Variants in LRMDA observed in about 807,000 individuals in gnomAD.
The protein encoded by LRMDA is leucine rich melanocyte differentiation associated, also known as leucine-rich melanocyte differentiation-associated protein.
Under a neutral mutation model 29.8 loss-of-function variants are expected in LRMDA, and 18 were observed. The ratio of observed to expected loss-of-function variants is 0.60; its 90% confidence interval spans 0.42 to 0.90. LRMDA has a LOEUF of 0.90. LRMDA is among the 40% of genes least tolerant of loss of function. The pLI, the probability that LRMDA is intolerant of heterozygous loss-of-function variation, is 0.00. For synonymous variants in LRMDA, 125 were observed against 109.4 expected, an observed-to-expected ratio of 1.14 and a Z score of -0.89; for missense variants, 273 against 273.9, an observed-to-expected ratio of 1.00 and a Z score of 0.02.
chr10:75,955,355 T>A (rs1474088129), intron 2 of LRMDA, among the ~76,000 whole-genome samples: 1 of 152,198 alleles, frequency 6.6e-6, no homozygotes, highest in African/African-American at 2.4e-5. Context: ...TTACTGCCAC[T>A]CTCTGCCACC....
intron 6 of LRMDA, among the ~76,000 whole-genome samples, chr10:76,486,805 T>G (rs1589212071): frequency 6.6e-6 from 1 of 152,026 alleles, no homozygotes; most frequent in East Asian, 2.0e-4. Context: ...GCCATTATGC[T>G]GCTGCCACTG....
intron 5 of LRMDA, among the ~76,000 whole-genome samples, chr10:76,185,438 T>C (rs554474331): frequency 1.3e-5 from 2 of 152,356 alleles, no homozygotes; most frequent in South Asian, 4.1e-4. Flanking sequence ...TATTTTTCTT[T>C]CAAAGAGATT....
intron 2 of LRMDA, among the ~76,000 whole-genome samples, chr10:75,901,010 G>C (rs1403242633): frequency 6.6e-6 from 1 of 152,166 alleles, no homozygotes; most frequent in Non-Finnish European, 1.5e-5. Context: ...CCCCTACGTA[G>C]AGCCAGCTTA....
chr10:76,518,218 A>C (rs904241639), intron 6 of LRMDA, among the ~76,000 whole-genome samples: 6 of 151,986 alleles, frequency 3.9e-5, no homozygotes, highest in Admixed American at 3.3e-4. Context: ...AAATGAGAAT[A>C]TCTATCTATA....
chr10:75,948,879 A>C (rs915145414), intron 2 of LRMDA, among the ~76,000 whole-genome samples: 1 of 151,990 alleles, frequency 6.6e-6, no homozygotes, highest in African/African-American at 2.4e-5. Flanking sequence ...TTTAGCTTTG[A>C]CAGGAAGATA....
chr10:76,044,102 T>C (rs1848387252), intron 3 of LRMDA, among the ~76,000 whole-genome samples: 1 of 152,238 alleles, frequency 6.6e-6, no homozygotes, highest in Non-Finnish European at 1.5e-5. Context: ...TCAGCTTGTC[T>C]GGCTGTCCTT....
intron 2 of LRMDA, among the ~76,000 whole-genome samples, chr10:75,753,783 G>A (rs1208733833): frequency 6.6e-6 from 1 of 152,216 alleles, no homozygotes; most frequent in Non-Finnish European, 1.5e-5. Flanking sequence ...TAGAAATGAG[G>A]CAGGCAAGAA....
chr10:75,495,444 CA>C (rs1003205695), intron 2 of LRMDA, among the ~76,000 whole-genome samples: 6 of 152,002 alleles, frequency 3.9e-5, no homozygotes, highest in Non-Finnish European at 8.8e-5. Flanking sequence ...GCCAAGTCTT[CA>C]TTTCTCCTCT....
intron 5 of LRMDA, among the ~76,000 whole-genome samples, chr10:76,111,509 TTTCCA>T (rs1849578586): frequency 6.6e-6 from 1 of 152,248 alleles, no homozygotes; most frequent in Non-Finnish European, 1.5e-5. Context: ...ATGATTCAGG[TTTCCA>T]GCATAAATTA....
chr10:75,600,481 C>A (rs758692962), intron 2 of LRMDA, among the ~76,000 whole-genome samples: 4 of 152,152 alleles, frequency 2.6e-5, no homozygotes, highest in Non-Finnish European at 5.9e-5. Context: ...CTAAATTACC[C>A]TATATAAACA....
chr10:76,433,587 A>G (rs1842214027), intron 6 of LRMDA: 1 of 152,196 alleles, frequency 6.6e-6, no homozygotes, highest in Non-Finnish European at 1.5e-5. Context: ...TGATTCTGTG[A>G]AAGACCAAAG....
intron 6 of LRMDA, among the ~76,000 whole-genome samples, chr10:76,539,147 T>A (rs1843325432): frequency 6.6e-6 from 1 of 151,974 alleles, no homozygotes; most frequent in Non-Finnish European, 1.5e-5. Flanking sequence ...AAAGGTCAGA[T>A]GAGAAAAAAG....
At chr10:76,383,367 C>T (rs905192023) in intron 6 of LRMDA, among the ~76,000 whole-genome samples, 5 of 151,748 alleles carry the variant, frequency 3.3e-5, no homozygotes, top group African/African-American at 1.2e-4. Flanking sequence ...CACCACACTC[C>T]AGACACAGTG....
intron 5 of LRMDA, among the ~76,000 whole-genome samples, chr10:76,172,233 G>A (rs968769592): frequency 6.6e-6 from 1 of 152,098 alleles, no homozygotes; most frequent in Non-Finnish European, 1.5e-5. Flanking sequence ...CCACATTGGG[G>A]ATCAAATTTC....
chr10:75,945,728 C>T (rs1846465406), intron 2 of LRMDA, among the ~76,000 whole-genome samples: 1 of 152,094 alleles, frequency 6.6e-6, no homozygotes, highest in African/African-American at 2.4e-5. Context: ...TCTGTGAAAT[C>T]TCTTGATTAT....
intron 5 of LRMDA, among the ~76,000 whole-genome samples, chr10:76,180,394 C>T (rs1397174443): frequency 6.6e-6 from 1 of 150,586 alleles, no homozygotes; most frequent in Non-Finnish European, 1.5e-5. Flanking sequence ...ATTTTCCTCC[C>T]TCAGCCTCCC....
intron 2 of LRMDA, among the ~76,000 whole-genome samples, chr10:75,460,228 G>A (rs1019811476): frequency 6.6e-6 from 1 of 152,208 alleles, no homozygotes; most frequent in Non-Finnish European, 1.5e-5. Context: ...ATTTTGAAAA[G>A]TGAGTTAATG....
intron 5 of LRMDA, among the ~76,000 whole-genome samples, chr10:76,087,823 A>G (rs1849161561): frequency 1.3e-5 from 2 of 152,208 alleles, no homozygotes; most frequent in African/African-American, 4.8e-5. Context: ...TTGAAAATAT[A>G]GCAAGAACTC....
chr10:76,528,495 A>G (rs1843201642), intron 6 of LRMDA, among the ~76,000 whole-genome samples: 1 of 152,186 alleles, frequency 6.6e-6, no homozygotes, highest in South Asian at 2.1e-4. Context: ...CAGTGGAATT[A>G]TATATGATTT....
Sources: gnomAD v4.1 joint callset for allele counts (sites outside exome capture counted in the v4.1 genomes callset) on GRCh38, gnomAD v4.1.1 for gene constraint, MANE v1.5 for transcripts, NCBI Gene and HGNC (gene_info 2026-07-23, HGNC 2026-07-21) for gene names.